Variants in ZFPM1 observed in about 807,000 individuals in gnomAD.
ZFPM1 encodes the protein zinc finger protein, FOG family member 1.
Under a neutral mutation model 46.3 loss-of-function variants are expected in ZFPM1, and 28 were observed. The observed-to-expected ratio is 0.60, with a 90% CI of 0.45 to 0.83. The LOEUF is 0.83. Ranked by LOEUF, ZFPM1 falls within the 40% of genes least tolerant of loss-of-function variation. The pLI is 0.00. For synonymous variants in ZFPM1, 957 were observed against 675.9 expected, an observed-to-expected ratio of 1.42 and a Z score of -6.45; for missense variants, 1,878 against 1,432.4, an observed-to-expected ratio of 1.31 and a Z score of -5.02.
chr16:88,508,525 C>T (rs559290482), intron 3 of ZFPM1, among the ~76,000 whole-genome samples: 5 of 152,340 alleles, frequency 3.3e-5, no homozygotes, highest in African/African-American at 1.2e-4. Context: ...CCCCTGGTCT[C>T]TCCTGGGCAC....
chr16:88,534,124 ACCCCCTGGGCCGGCCGCGCCCCCGGC>A lies in ZFPM1; in HGVS notation c.2171_2196del (p.Pro724LeufsTer344), dbSNP rs1473682177. ...CGCGCCGACCGGCCGCGCCCCCGGG[ACCCCCTGGGCCGGCCGCGCCCCCGGC>A]CCCCTCTCCCGCCGCGCCTGTGCGC... On this transcript the variant is annotated frameshift_variant, in exon 10 of 10. Transcript: ENST00000319555. LOFTEE classifies it low-confidence loss of function (END_TRUNC). 2 of 1,088,676 alleles carry A rather than the reference ACCCCCTGGGCCGGCCGCGCCCCCGGC, an allele frequency of 1.8e-6. No individual in the cohort carries two copies. The highest frequency in any genetic ancestry group is 2.3e-6 in the Non-Finnish European group (2 of 882,252). The allele number at this position is 1,088,676 out of a possible 1,614,324, so 67.4% of individuals were successfully genotyped here.
rs1402708403 is a variant in ZFPM1 at position 88,480,017 on chromosome 16, C to T, written c.41-5922C>T. On this transcript the variant is annotated intron_variant, in intron 1 of 9. Coordinates refer to ENST00000319555, the MANE Select transcript of ZFPM1 (RefSeq NM_153813.3). This position sits in a 1 kb window ranked among gnomAD's most constrained non-coding sequence, Gnocchi z 4.9. ...ATCTGCGCCCAGCGCCCACTGCCAA[C>T]ACCTGGCTGAGTCCTAACGCCAGCC... Among the ~76,000 whole-genome samples the T allele has an allele frequency of 1.3e-5, 2 of 151,952 alleles. No individual in the cohort carries two copies. The highest frequency in any genetic ancestry group is 2.4e-5 in the African/African-American group (1 of 41,316).
chr16:88,532,839 A>C lies in ZFPM1; in HGVS notation c.1093A>C (p.Ser365Arg). The stretch of plus-strand genomic sequence containing the variant: ...CTCCACCACAAGGGACATCCTCTAC[A>C]GCCACTTGGTCACCAACCACATGGT... The part of the protein sequence containing the change: ...FISTTRDILY[S>R]HLVTNHMVCQ... Residue 365 changes from serine to arginine, a missense_variant, in exon 9 of 10, where the codon AGC becomes CGC. By Grantham distance (110) the Ser-to-Arg change is moderately radical (BLOSUM62 -1). Transcript: ENST00000319555. 6.2e-7 allele frequency: 1 copy of C among 1,613,426 alleles called. No homozygotes were observed. Among genetic ancestry groups the C allele is most frequent in the East Asian group, 2.2e-5 (1 of 44,862 alleles).
At chr16:88,464,151 C>T (rs561613909) in intron 1 of ZFPM1, among the ~76,000 whole-genome samples, 263 of 152,284 alleles carry the variant, frequency 1.7e-3, no homozygotes, top group Non-Finnish European at 3.0e-3. Context: ...GCCTGGGTGC[C>T]GCGTCTCAAG....
intron 6 of ZFPM1, 24 bp from the exon 7 acceptor site, chr16:88,531,978 C>T (rs375089066): frequency 1.9e-6 from 3 of 1,575,238 alleles, no homozygotes; most frequent in African/African-American, 1.3e-5. Context: ...TTCAGCCTGA[C>T]CCCGCCTGCT....
At chr16:88,473,187 G>T (rs1470972899) in intron 1 of ZFPM1, among the ~76,000 whole-genome samples, 1 of 152,270 alleles carries the variant, frequency 6.6e-6, no homozygotes, top group Non-Finnish European at 1.5e-5. Flanking sequence ...GGCATCTGAG[G>T]GTCTGGACAC....
intron 3 of ZFPM1, among the ~76,000 whole-genome samples, chr16:88,509,800 C>G (rs1025486735): frequency 6.6e-6 from 1 of 152,200 alleles, no homozygotes; most frequent in Non-Finnish European, 1.5e-5. Flanking sequence ...TGCTATGTGA[C>G]CCCCAGCTGC....
At position 88,461,233 on chromosome 16, in the gene ZFPM1, CCAGGGGTGGGGCGG is replaced by C. The variant is rs1567525923; in HGVS notation, c.40+7556_40+7569del. 5.0e-3 allele frequency among the ~76,000 whole-genome samples: 575 copies of C among 114,840 alleles called. 39 individuals carry two copies. The highest frequency in any genetic ancestry group is 0.013 in the African/African-American group (307 of 23,580). 75.3% of individuals were successfully genotyped at this position (114,840 alleles called of 152,430 possible). On this transcript the variant is annotated intron_variant, in intron 1 of 9. Coordinates refer to ENST00000319555, the MANE Select transcript of ZFPM1 (RefSeq NM_153813.3). ...CAGGGGCGGGAGGCCTGGTGAGGACCCAGGGGTGGGGCGGGAGGCCCTGGTGAGGACCGACGGGT... is the reference window on the plus strand; with the variant it reads ...CAGGGGCGGGAGGCCTGGTGAGGACCGAGGCCCTGGTGAGGACCGACGGGT...
At chr16:88,457,127 G>A (rs994845444) in intron 1 of ZFPM1, among the ~76,000 whole-genome samples, 2 of 152,266 alleles carry the variant, frequency 1.3e-5, no homozygotes, top group Admixed American at 1.3e-4. Flanking sequence ...GGGGCTGGCA[G>A]TGCCATCTGG....
intron 1 of ZFPM1, among the ~76,000 whole-genome samples, chr16:88,475,513 C>CGG (rs36025032): frequency 0.017 from 2,548 of 146,636 alleles, 70 homozygotes; most frequent in African/African-American, 0.058. Flanking sequence ...GGCAGGGGTC[C>CGG]GGGGGGGGGA....
intron 4 of ZFPM1, among the ~76,000 whole-genome samples, chr16:88,524,019 G>A (rs1912117109): frequency 6.6e-6 from 1 of 152,244 alleles, no homozygotes; most frequent in Non-Finnish European, 1.5e-5. Flanking sequence ...TATCATGCTG[G>A]GAACACGCTG....
intron 3 of ZFPM1, among the ~76,000 whole-genome samples, chr16:88,493,211 C>T (rs951616555): frequency 3.6e-5 from 4 of 111,472 alleles, no homozygotes; most frequent in Non-Finnish European, 6.3e-5. Context: ...GGGGAGCTGT[C>T]CCGGGGTGGG....
At chr16:88,485,789 C>T in intron 1 of ZFPM1, 150 bp from the exon 2 acceptor site, 1 of 643,776 alleles carries the variant, frequency 1.6e-6, no homozygotes. Flanking sequence ...AGCCACCTGT[C>T]CTTTGACCTC....
chr16:88,480,536 C>T lies in ZFPM1; in HGVS notation c.41-5403C>T, dbSNP rs1908885860. Among the ~76,000 whole-genome samples the T allele has an allele frequency of 6.6e-6, 1 of 152,206 alleles. No homozygotes were observed. ...CATGGGGCCTGGGCAGGCACCTGCA[C>T]CTCCACTTCCTCCCCTCTAGACCAA... On this transcript the variant is annotated intron_variant, in intron 1 of 9. Transcript: ENST00000319555. The surrounding 1 kb of genome is among the most constrained non-coding windows in gnomAD (Gnocchi z 4.9).
intron 1 of ZFPM1, among the ~76,000 whole-genome samples, chr16:88,473,723 G>T (rs1908534781): frequency 6.6e-6 from 1 of 152,158 alleles, no homozygotes; most frequent in Non-Finnish European, 1.5e-5. Context: ...TCGGGGCCGT[G>T]CTGGGACCTC....
intron 3 of ZFPM1, among the ~76,000 whole-genome samples, chr16:88,500,107 C>T (rs1910166175): frequency 6.6e-6 from 1 of 152,174 alleles, no homozygotes; most frequent in South Asian, 2.1e-4. Context: ...CTCCGCCCTC[C>T]CACCCGGCTT....
At chr16:88,526,419 C>A (rs1347642395) in intron 4 of ZFPM1, among the ~76,000 whole-genome samples, 5 of 151,978 alleles carry the variant, frequency 3.3e-5, no homozygotes, top group Non-Finnish European at 5.9e-5. Context: ...ACCCAGCACT[C>A]TGGGGGCAAG....
intron 1 of ZFPM1, among the ~76,000 whole-genome samples, chr16:88,462,306 T>A (rs926983549): frequency 6.6e-6 from 1 of 152,244 alleles, no homozygotes; most frequent in Non-Finnish European, 1.5e-5. Flanking sequence ...GTTCCCCACC[T>A]GGAGCTGAAG....
chr16:88,503,480 A>G (rs955187882), intron 3 of ZFPM1, among the ~76,000 whole-genome samples: 6 of 150,728 alleles, frequency 4.0e-5, no homozygotes, highest in African/African-American at 1.5e-4. Flanking sequence ...TCCTGAGTGG[A>G]GGGATCTGTG....
Sources: allele counts gnomAD v4.1 joint callset (sites outside exome capture counted in the v4.1 genomes callset), GRCh38; gene constraint gnomAD v4.1.1; non-coding constraint Gnocchi (gnomAD v3.1); transcripts MANE v1.5; gene names NCBI Gene and HGNC (gene_info 2026-07-23, HGNC 2026-07-21).